HYDIN: variants seen among roughly 807,000 people sequenced by gnomAD.
The protein encoded by HYDIN is axonemal central pair apparatus protein HYDIN.
In HYDIN, 132 loss-of-function variants were observed where a neutral mutation model predicts 403.9. The ratio of observed to expected loss-of-function variants is 0.33; its 90% confidence interval spans 0.28 to 0.38. The LOEUF (loss-of-function observed/expected upper bound fraction) is 0.38, where lower values mean the gene tolerates loss of function less well. Ranked by LOEUF, HYDIN falls within the 10% of genes least tolerant of loss-of-function variation. The pLI is 1.00. For missense variants in HYDIN, 2,827 were observed against 5,009.5 expected (o/e 0.56, Z 13.15); for synonymous variants, 1,202 against 1,891.7 (o/e 0.64, Z 9.46).
At chr16:71,031,199 C>CAAAAA (rs376968331) in intron 19 of HYDIN, among the ~76,000 whole-genome samples, 1 of 25,166 alleles carries the variant, frequency 4.0e-5, no homozygotes, top group African/African-American at 1.4e-4. Context: ...GACTCCATCT[C>CAAAAA]AAAAAAAAAA....
intron 45 of HYDIN, among the ~76,000 whole-genome samples, chr16:70,924,957 T>C (rs1365768498): frequency 6.7e-6 from 1 of 149,720 alleles, no homozygotes; most frequent in Non-Finnish European, 1.5e-5. Flanking sequence ...ACCCCCGTAC[T>C]TAAAATAACA....
chr16:71,208,064 T>G (rs1355777101), intron 1 of HYDIN, among the ~76,000 whole-genome samples: 1 of 152,122 alleles, frequency 6.6e-6, no homozygotes, highest in Non-Finnish European at 1.5e-5. Flanking sequence ...CTAGATCAAA[T>G]GGACCTAGTA....
At chr16:71,225,725 C>T (rs951222092) in intron 1 of HYDIN, among the ~76,000 whole-genome samples, 1 of 151,984 alleles carries the variant, frequency 6.6e-6, no homozygotes, top group East Asian at 1.9e-4. Context: ...CAGTTCTCCC[C>T]ACCAAGACAT....
At chr16:70,944,306 T>G (rs2077780186) in intron 41 of HYDIN, among the ~76,000 whole-genome samples, 1 of 152,210 alleles carries the variant, frequency 6.6e-6, no homozygotes, top group Non-Finnish European at 1.5e-5. Flanking sequence ...ACCATTGCAT[T>G]CCAATGGAAG....
At chr16:71,084,916 T>C (rs576781537) in intron 12 of HYDIN, among the ~76,000 whole-genome samples, 5 of 151,902 alleles carry the variant, frequency 3.3e-5, no homozygotes, top group African/African-American at 1.2e-4. Context: ...GATTTTCTTA[T>C]GTTAAGCCAA....
intron 18 of HYDIN, among the ~76,000 whole-genome samples, chr16:71,034,903 C>A (rs2081037806): frequency 6.9e-6 from 1 of 144,672 alleles, no homozygotes; most frequent in African/African-American, 2.6e-5. Context: ...GAAAAAAAAA[C>A]AATTAAACAT....
chr16:71,219,586 T>C (rs1425092778), intron 1 of HYDIN, among the ~76,000 whole-genome samples: 1 of 152,164 alleles, frequency 6.6e-6, no homozygotes, highest in Admixed American at 6.5e-5. Flanking sequence ...CACAGAACAA[T>C]TTTTAAAAGT....
chr16:70,948,442 C>T (rs576332214), intron 41 of HYDIN, among the ~76,000 whole-genome samples: 3 of 150,514 alleles, frequency 2.0e-5, no homozygotes, highest in African/African-American at 4.9e-5. Context: ...GCAACAAAAG[C>T]CAAAATTGAC....
At chr16:71,228,977 TA>T (rs1353235683) in intron 1 of HYDIN, among the ~76,000 whole-genome samples, 1 of 151,624 alleles carries the variant, frequency 6.6e-6, no homozygotes, top group East Asian at 1.9e-4. Flanking sequence ...TATGCAGCCA[TA>T]AAAAAGGATG....
Position 71,205,430 on chromosome 16 carries a change from G to A in HYDIN, c.-23-18512C>T, listed in dbSNP as rs181396279. 1.1e-4 allele frequency among the ~76,000 whole-genome samples: 17 copies of A among 152,262 alleles called. No homozygotes were observed. The East Asian group carries it at 3.3e-3, about 30-fold the overall frequency. On this transcript the variant is annotated intron_variant, in intron 1 of 85. Coordinates refer to ENST00000393567, the MANE Select transcript of HYDIN (RefSeq NM_001270974.2). ...AGACTGGGAATGAGAGAATCATCCT[G>A]TCCCCCTGAAACCCATCCCCAACAC...
chr16:71,084,390 T>G (rs1158963342), intron 12 of HYDIN, among the ~76,000 whole-genome samples: 1 of 109,044 alleles, frequency 9.2e-6, no homozygotes, highest in Non-Finnish European at 1.7e-5. Context: ...CCTATCTTTT[T>G]GTTTGTTTGT....
intron 41 of HYDIN, among the ~76,000 whole-genome samples, chr16:70,950,148 G>A (rs1287884031): frequency 6.7e-6 from 1 of 148,468 alleles, no homozygotes; most frequent in Non-Finnish European, 1.5e-5. Context: ...CATCCAACCT[G>A]CAGGTCTCCT....
chr16:70,857,007 A>G (rs1417187921), intron 72 of HYDIN, among the ~76,000 whole-genome samples: 1 of 150,064 alleles, frequency 6.7e-6, no homozygotes, highest in Non-Finnish European at 1.5e-5. Flanking sequence ...CAGAGATGTC[A>G]CAACCATGGG....
Position 70,857,837 on chromosome 16 carries a change from T to C in HYDIN, c.12163A>G (p.Ile4055Val). 6.2e-7 allele frequency: 1 copy of C among 1,612,890 alleles called. No individual in the cohort carries two copies. ...VFQFTPFHLGITESSWTFLIP... is the reference protein window; with the variant it reads ...VFQFTPFHLGVTESSWTFLIP... ...AGGAAGGTCCATGATGACTCAGTGA[T>C]GCCCAGATGGAAAGGTGTGAACTGG... Residue 4055 changes from isoleucine to valine, a missense_variant, in exon 72 of 86, where the codon ATC becomes GTC. Ile to Val is a conservative substitution (Grantham distance 29, BLOSUM62 3). Transcript: ENST00000393567.
intron 1 of HYDIN, among the ~76,000 whole-genome samples, chr16:71,228,835 T>C (rs1335684263): frequency 2.6e-5 from 4 of 152,186 alleles, no homozygotes; most frequent in Admixed American, 2.0e-4. Flanking sequence ...TAAATCATGC[T>C]GCTATAAAGA....
At chr16:71,173,070 A>T (rs1436790886) in intron 5 of HYDIN, among the ~76,000 whole-genome samples, 2 of 152,228 alleles carry the variant, frequency 1.3e-5, no homozygotes, top group African/African-American at 4.8e-5. Context: ...TGACTACGCC[A>T]TCATCAGTGC....
intron 1 of HYDIN, among the ~76,000 whole-genome samples, chr16:71,216,622 C>T (rs932272158): frequency 3.3e-5 from 5 of 152,204 alleles, no homozygotes; most frequent in African/African-American, 1.2e-4. Context: ...GTGTTTCATA[C>T]ATTTACGTGT....
intron 9 of HYDIN, among the ~76,000 whole-genome samples, chr16:71,123,972 T>C (rs1039770404): frequency 6.6e-6 from 1 of 152,102 alleles, no homozygotes; most frequent in Non-Finnish European, 1.5e-5. Context: ...GATGTGTCTT[T>C]ATCACCAGCG....
chr16:70,995,248 G>T (rs2144055462), intron 23 of HYDIN, among the ~76,000 whole-genome samples: 1 of 152,296 alleles, frequency 6.6e-6, no homozygotes, highest in South Asian at 2.1e-4. Context: ...CTCAGGAACA[G>T]GTGATTACTT....
Sources: gnomAD v4.1 joint callset for allele counts (sites outside exome capture counted in the v4.1 genomes callset) on GRCh38, gnomAD v4.1.1 for gene constraint, MANE v1.5 for transcripts, NCBI Gene and HGNC (gene_info 2026-07-23, HGNC 2026-07-21) for gene names.